The following NRG1 variants were observed in gnomAD, a reference collection of about 807,000 sequenced individuals.
NRG1 encodes pro-neuregulin-1, membrane-bound isoform.
NRG1 carries 18 observed loss-of-function variants against 63.8 expected under a neutral mutation model. That is an observed-to-expected ratio of 0.28 (90% CI 0.19 to 0.42). The LOEUF (loss-of-function observed/expected upper bound fraction) is 0.42. Among genes scored for constraint, NRG1 ranks in the 10% least tolerant of loss-of-function variants. The pLI is 1.00. For missense variants in NRG1, 762 were observed against 814.7 expected, an observed-to-expected ratio of 0.94 and a Z score of 0.79; for synonymous variants, 302 against 301.3, an observed-to-expected ratio of 1.00 and a Z score of -0.02.
At chr8:32,768,190 C>G (rs1207312185), downstream of NRG1, among the ~76,000 whole-genome samples, 3 of 152,192 alleles carry the variant, frequency 2.0e-5, no homozygotes, top group African/African-American at 7.2e-5. Context: ...GGCCACACAA[C>G]CAGACAGTAC....
intron 1 of NRG1, among the ~76,000 whole-genome samples, chr8:31,936,845 T>G (rs1353109989): frequency 6.8e-6 from 1 of 146,142 alleles, no homozygotes; most frequent in Non-Finnish European, 1.5e-5. Flanking sequence ...GAAATGCATG[T>G]CATAAGAACT....
chr8:32,027,116 T>TA (rs1161414921), intron 1 of NRG1, among the ~76,000 whole-genome samples: 5 of 152,178 alleles, frequency 3.3e-5, no homozygotes, highest in African/African-American at 7.2e-5. Flanking sequence ...TTAGTGAACT[T>TA]ACATTCCTCT....
chr8:31,745,376 G>A (rs551779473), intron 1 of NRG1, among the ~76,000 whole-genome samples: 25 of 152,004 alleles, frequency 1.6e-4, no homozygotes, highest in African/African-American at 5.5e-4. Flanking sequence ...AGTCGTGGCG[G>A]CCACTGTAAA....
At chr8:31,999,525 C>T (rs541637273) in intron 1 of NRG1, among the ~76,000 whole-genome samples, 24 of 151,908 alleles carry the variant, frequency 1.6e-4, no homozygotes, top group East Asian at 1.9e-4. Context: ...TTCACCCTCG[C>T]GGAATTTAGA....
At chr8:31,646,023 G>A (rs530931811) in intron 1 of NRG1, among the ~76,000 whole-genome samples, 4 of 152,240 alleles carry the variant, frequency 2.6e-5, no homozygotes, top group East Asian at 1.9e-4. Flanking sequence ...GCCTTCTCTC[G>A]AAACCTTGAA....
intron 1 of NRG1, among the ~76,000 whole-genome samples, chr8:32,062,266 A>G (rs1824010348): frequency 6.6e-6 from 1 of 152,126 alleles, no homozygotes; most frequent in African/African-American, 2.4e-5. Context: ...CCTCATGGGA[A>G]GAATGATGTT....
intron 1 of NRG1, among the ~76,000 whole-genome samples, chr8:32,470,974 A>G (rs145714433): frequency 6.6e-6 from 1 of 152,106 alleles, no homozygotes; most frequent in Non-Finnish European, 1.5e-5. Context: ...ATTTCTAAAA[A>G]ATATATATTT....
At chr8:32,190,143 A>G (rs1563890043) in intron 1 of NRG1, among the ~76,000 whole-genome samples, 1 of 152,036 alleles carries the variant, frequency 6.6e-6, no homozygotes, top group South Asian at 2.1e-4. Context: ...AGAAAGCATT[A>G]GGAGTCTGCC....
chr8:32,091,061 C>T (rs191125130), intron 1 of NRG1, among the ~76,000 whole-genome samples: 4 of 152,212 alleles, frequency 2.6e-5, no homozygotes, highest in East Asian at 1.9e-4. Context: ...GGGCGGATCA[C>T]GAGGTCAGGA....
chr8:31,685,326 TGAA>T (rs1159977395), intron 1 of NRG1, among the ~76,000 whole-genome samples: 1 of 152,162 alleles, frequency 6.6e-6, no homozygotes, highest in Non-Finnish European at 1.5e-5. Context: ...TTTCACTACT[TGAA>T]GTATTTATAG....
intron 5 of NRG1, among the ~76,000 whole-genome samples, chr8:32,697,536 G>A (rs1813687911): frequency 6.6e-6 from 1 of 152,106 alleles, no homozygotes; most frequent in South Asian, 2.1e-4. Flanking sequence ...GGGCTGGTAT[G>A]GTGCTCCAGC....
intron 1 of NRG1, among the ~76,000 whole-genome samples, chr8:31,919,847 T>G (rs1406481783): frequency 1.3e-5 from 2 of 152,166 alleles, no homozygotes; most frequent in Non-Finnish European, 2.9e-5. Flanking sequence ...GGTCATATCT[T>G]ATAATTTGTA....
chr8:31,837,749 C>T (rs764811531), intron 1 of NRG1, among the ~76,000 whole-genome samples: 1 of 152,026 alleles, frequency 6.6e-6, no homozygotes, highest in Non-Finnish European at 1.5e-5. Context: ...CTTTCCATGA[C>T]TGGTTTATTT....
intron 1 of NRG1, among the ~76,000 whole-genome samples, chr8:32,090,821 T>C (rs1199346487): frequency 6.6e-6 from 1 of 152,132 alleles, no homozygotes; most frequent in East Asian, 1.9e-4. Flanking sequence ...TCTTCTTAGT[T>C]TATGTCCAGA....
intron 1 of NRG1, among the ~76,000 whole-genome samples, chr8:31,799,774 A>G (rs1385379674): frequency 6.6e-6 from 1 of 152,062 alleles, no homozygotes; most frequent in Non-Finnish European, 1.5e-5. Flanking sequence ...ATACATATAT[A>G]TGTTTTTTGT....
At chr8:32,754,382 G>A (rs1224792823) in exon 8 of NRG1, 3 of 1,613,610 alleles carry the variant, frequency 1.9e-6, no homozygotes, top group South Asian at 1.1e-5. Context: ...AGGCGGAGGA[G>A]CTGTACCAGA....
chr8:32,548,250 C>T (rs1833335502), upstream of NRG1: 16 of 985,830 alleles, frequency 1.6e-5, no homozygotes, highest in Non-Finnish European at 1.9e-5. Context: ...TGCCTCCAAC[C>T]TGCGGGCGGG....
chr8:32,241,778 C>G (rs7842747), intron 1 of NRG1, among the ~76,000 whole-genome samples: 112,623 of 150,780 alleles, frequency 0.75, 43,099 homozygotes, highest in African/African-American at 0.91. Flanking sequence ...TTTGAGACGG[C>G]GTCTTGCTCT....
rs1585993371 is a variant in NRG1, at chr8:31,731,164, T to C, written c.37+91733T>C. On this transcript the variant is annotated intron_variant, in intron 1 of 10. Coordinates refer to the NRG1 transcript ENST00000519301. ...TACAAATGAGCAGACCCAACAAATG[T>C]TCATATAAAACTCACACCTAAAAAT... Among the ~76,000 whole-genome samples the C allele has an allele frequency of 2.0e-5, 3 of 152,198 alleles. No homozygotes were observed. The South Asian group carries it at 6.2e-4, about 32-fold the overall frequency.
Sources: allele counts gnomAD v4.1 joint callset (sites outside exome capture counted in the v4.1 genomes callset), GRCh38; gene constraint gnomAD v4.1.1; transcripts MANE v1.5; gene names NCBI Gene and HGNC (gene_info 2026-07-23, HGNC 2026-07-21).